Variants in CALN1 observed in about 807,000 individuals in gnomAD.
The protein encoded by CALN1 is calcium-binding protein 8.
CALN1 carries 17 observed loss-of-function variants against 30.6 expected under a neutral mutation model. The observed-to-expected ratio is 0.56, with a 90% CI of 0.38 to 0.83. The LOEUF is 0.83. Among genes scored for constraint, CALN1 ranks in the 40% least tolerant of loss-of-function variants. The pLI, the probability that CALN1 is intolerant of heterozygous loss-of-function variation, is 0.00. For synonymous variants in CALN1, 156 were observed against 131.4 expected, an observed-to-expected ratio of 1.19 and a Z score of -1.28; for missense variants, 291 against 354.9, an observed-to-expected ratio of 0.82 and a Z score of 1.45.
At chr7:72,475,268 A>G in the CALN1 span, among the ~76,000 whole-genome samples, 2 of 152,132 alleles carry the variant, frequency 1.3e-5, no homozygotes, top group African/African-American at 4.8e-5. Flanking sequence ...ATCCTGGCAA[A>G]CATGGTGAAA....
chr7:71,861,998 G>C (rs1308367635), intron 5 of CALN1, among the ~76,000 whole-genome samples: 1 of 152,148 alleles, frequency 6.6e-6, no homozygotes, highest in East Asian at 1.9e-4. Context: ...TAAGGTGCTA[G>C]CTTGTGAGCT....
chr7:71,810,217 G>C (rs1787867367), intron 6 of CALN1, 119 bp downstream of exon 6: 9 of 1,026,306 alleles, frequency 8.8e-6, no homozygotes, highest in Non-Finnish European at 1.2e-5. Context: ...CTGGATTTTT[G>C]GCTTCAGTAC....
chr7:71,931,574 A>G (rs962400022), intron 5 of CALN1, among the ~76,000 whole-genome samples: 6 of 152,186 alleles, frequency 3.9e-5, no homozygotes, highest in African/African-American at 1.4e-4. Context: ...GCTGAAAACC[A>G]TGGTTTTCTT....
At chr7:72,340,324 C>T (rs1802322720) in intron 2 of CALN1, among the ~76,000 whole-genome samples, 1 of 152,086 alleles carries the variant, frequency 6.6e-6, no homozygotes. Context: ...CCTCCCACCC[C>T]CACCTTCCAA....
intron 5 of CALN1, among the ~76,000 whole-genome samples, chr7:71,951,483 T>TGGGA: frequency 6.6e-6 from 1 of 152,090 alleles, no homozygotes; most frequent in South Asian, 2.1e-4. Context: ...CCCAGCTACT[T>TGGGA]GGGAGGCTGA....
At chr7:72,047,590 A>G (rs929206432) in intron 4 of CALN1, among the ~76,000 whole-genome samples, 4 of 152,214 alleles carry the variant, frequency 2.6e-5, no homozygotes, top group African/African-American at 7.2e-5. Flanking sequence ...CCTTGTCTCA[A>G]TAAGATAAAA....
At chr7:71,879,125 T>C (rs55832140) in intron 5 of CALN1, among the ~76,000 whole-genome samples, 29,621 of 152,182 alleles carry the variant, frequency 0.19, 3,389 homozygotes, top group Non-Finnish European at 0.25. Context: ...TTAAGGGACA[T>C]GGACAGACAA....
chr7:72,320,356 CGGGAGGA>C, intron 2 of CALN1, among the ~76,000 whole-genome samples: 1 of 152,046 alleles, frequency 6.6e-6, no homozygotes, highest in African/African-American at 2.4e-5. Context: ...GCCTGAAGTG[CGGGAGGA>C]TTCAGGGAGC....
chr7:72,206,104 T>C (rs1791860944), intron 3 of CALN1, among the ~76,000 whole-genome samples: 1 of 152,172 alleles, frequency 6.6e-6, no homozygotes, highest in South Asian at 2.1e-4. Context: ...CACTCACCAT[T>C]TTGTTTTTGT....
the CALN1 span, among the ~76,000 whole-genome samples, chr7:72,466,463 G>A: frequency 2.0e-5 from 3 of 152,240 alleles, no homozygotes; most frequent in South Asian, 2.1e-4. Flanking sequence ...ATGTAGGGTC[G>A]CCAGGTGCAG....
intron 2 of CALN1, among the ~76,000 whole-genome samples, chr7:72,347,330 G>C (rs143203558): frequency 6.6e-6 from 1 of 150,948 alleles, no homozygotes; most frequent in East Asian, 2.0e-4. Flanking sequence ...TCACTGCAGC[G>C]ATCTCAGCTC....
At chr7:72,102,744 TG>T (rs1806768342) in intron 4 of CALN1, among the ~76,000 whole-genome samples, 2 of 150,694 alleles carry the variant, frequency 1.3e-5, no homozygotes, top group Non-Finnish European at 3.0e-5. Flanking sequence ...GTGTAGGGCT[TG>T]GGGAAATATG....
At chr7:72,096,795 A>G (rs1047889434) in intron 4 of CALN1, among the ~76,000 whole-genome samples, 20 of 152,286 alleles carry the variant, frequency 1.3e-4, no homozygotes, top group Admixed American at 1.0e-3. Flanking sequence ...TTGACCCAGC[A>G]ATCCCATTAC....
chr7:72,415,382 A>G (rs1373591294), upstream of CALN1, among the ~76,000 whole-genome samples: 1 of 152,242 alleles, frequency 6.6e-6, no homozygotes, highest in Non-Finnish European at 1.5e-5. Context: ...GGCAAAGACC[A>G]CGAGGAAGTG....
chr7:71,959,870 A>C, intron 5 of CALN1, among the ~76,000 whole-genome samples: 1 of 152,296 alleles, frequency 6.6e-6, no homozygotes, highest in Middle Eastern at 3.4e-3. Flanking sequence ...ACAGTGGCTC[A>C]GGCCTGTAAT....
At chr7:71,806,748 A>G (rs1163106596) in intron 6 of CALN1, among the ~76,000 whole-genome samples, 12 of 152,226 alleles carry the variant, frequency 7.9e-5, no homozygotes, top group Non-Finnish European at 1.8e-4. Flanking sequence ...GACTTACCAA[A>G]GAATGCAGTT....
At chr7:72,149,562 A>C (rs1700251169) in intron 3 of CALN1, among the ~76,000 whole-genome samples, 1 of 152,090 alleles carries the variant, frequency 6.6e-6, no homozygotes, top group South Asian at 2.1e-4. Context: ...ACAGATTAAC[A>C]CACACAGAAA....
chr7:72,486,200 G>T, the CALN1 span, among the ~76,000 whole-genome samples: 1 of 152,062 alleles, frequency 6.6e-6, no homozygotes, highest in Non-Finnish European at 1.5e-5. Context: ...CATAGAAAAG[G>T]TATAGTAAAG....
At chr7:72,394,124 C>A (rs917176108) in intron 2 of CALN1, among the ~76,000 whole-genome samples, 6 of 152,122 alleles carry the variant, frequency 3.9e-5, no homozygotes, top group African/African-American at 1.2e-4. Flanking sequence ...AGAATTTACA[C>A]TTTGTGCATA....
Sources: allele counts gnomAD v4.1 joint callset (sites outside exome capture counted in the v4.1 genomes callset), GRCh38; gene constraint gnomAD v4.1.1; transcripts MANE v1.5; gene names NCBI Gene and HGNC (gene_info 2026-07-23, HGNC 2026-07-21).